The following WDR82 variants were observed in gnomAD, a reference collection of about 807,000 sequenced individuals.
WDR82 encodes WD repeat domain 82, also known as WD repeat-containing protein 82.
WDR82 carries 8 observed loss-of-function variants against 36.1 expected under a neutral mutation model. The observed-to-expected ratio is 0.22, with a 90% confidence interval of 0.13 to 0.40. The LOEUF (loss-of-function observed/expected upper bound fraction) is 0.40, where lower values mean the gene tolerates loss of function less well. Among genes scored for constraint, WDR82 ranks in the 10% least tolerant of loss-of-function variants. The pLI, the probability that WDR82 is intolerant of heterozygous loss-of-function variation, is 1.00. For missense variants in WDR82, 185 were observed against 400.5 expected (o/e 0.46, Z 4.59); for synonymous variants, 129 against 137.8 (o/e 0.94, Z 0.45).
chr3:52,258,290 T>C (rs73835767), intron 8 of WDR82, among the ~76,000 whole-genome samples: 2,294 of 152,310 alleles, frequency 0.015, 82 homozygotes, highest in African/African-American at 0.052. Flanking sequence ...AACTGGCCTA[T>C]GATCTCCTTG....
At chr3:52,264,982 T>C (rs927727149) in intron 3 of WDR82, among the ~76,000 whole-genome samples, 2 of 151,988 alleles carry the variant, frequency 1.3e-5, no homozygotes, top group African/African-American at 4.8e-5. Flanking sequence ...TAGCCTTGAT[T>C]TTCTCATAAA....
chr3:52,260,513 G>T lies in WDR82; in HGVS notation c.427-12C>A, dbSNP rs1379973118. 6.5e-7 allele frequency: 1 copy of T among 1,535,318 alleles called. No homozygotes were observed. The highest frequency in any genetic ancestry group is 8.7e-7 in the Non-Finnish European group (1 of 1,143,380). ...AGATGCATGAGGCCCTAAGAGAAAA[G>T]AAATAAGAAATACACTAAAACACAC... On this transcript the variant is annotated splice_polypyrimidine_tract_variant and intron_variant, in intron 4 of 8. Coordinates refer to ENST00000296490, the MANE Select transcript of WDR82 (RefSeq NM_025222.4).
intron 1 of WDR82, among the ~76,000 whole-genome samples, chr3:52,274,537 C>T (rs541348880): frequency 2.2e-4 from 34 of 152,194 alleles, no homozygotes; most frequent in African/African-American, 7.9e-4. Flanking sequence ...TGCACTCCAG[C>T]CTGAGCAACA....
At chr3:52,263,667 A>C (rs1319866219) in intron 3 of WDR82, among the ~76,000 whole-genome samples, 1 of 152,248 alleles carries the variant, frequency 6.6e-6, no homozygotes, top group African/African-American at 2.4e-5. Flanking sequence ...TAGTTTAACA[A>C]CTCACTGAAT....
chr3:52,278,087 G>A, intron 1 of WDR82, 114 bp downstream of exon 1: 2 of 1,172,860 alleles, frequency 1.7e-6, no homozygotes, highest in Non-Finnish European at 2.2e-6. Context: ...TGGCAGGAAC[G>A]CGTGCAAAAT....
At chr3:52,268,390 G>A (rs1372968604) in intron 2 of WDR82, 2 of 470,942 alleles carry the variant, frequency 4.2e-6, no homozygotes, top group African/African-American at 4.0e-5. Flanking sequence ...ACGGAGCGCT[G>A]GAGGAACTCT....
In WDR82 at chr3:52,258,634, T is replaced by A; in HGVS notation, c.814A>T (p.Ile272Leu). 6.2e-7 allele frequency: 1 copy of A among 1,614,250 alleles called. No individual in the cohort carries two copies. Among genetic ancestry groups the A allele is most frequent in the Non-Finnish European group, 8.5e-7 (1 of 1,180,044 alleles). Residue 272 changes from isoleucine to leucine, a missense_variant, in exon 8 of 9, where the codon ATA (isoleucine) becomes TTA (leucine). Physicochemically the swap from Ile to Leu is conservative, Grantham distance 5. Around this residue, in one of 3 missense-constraint regions of WDR82, gnomAD observed 110 missense variants for 212.6 expected, o/e 0.52. Transcript: ENST00000296490. Reference protein sequence around the residue: ...KIHVWNGESGIKVAVLDGKHT... With the variant: ...KIHVWNGESGLKVAVLDGKHT... Reference sequence around the variant, plus strand: ...TTACCATCCAACACAGCTACTTTTATACCGCTCTCTCCATTCCAGACATGG... The same window carrying A: ...TTACCATCCAACACAGCTACTTTTAAACCGCTCTCTCCATTCCAGACATGG...
Position 52,257,379 on chromosome 3 carries a change from G to A in WDR82, c.*111C>T. 1 of 1,452,542 alleles carries A rather than the reference G, an allele frequency of 6.9e-7. No individual in the cohort carries two copies. The allele number at this position is 1,452,542 out of a possible 1,614,324, so 90.0% of individuals were successfully genotyped here. On this transcript the variant is annotated 3_prime_UTR_variant, in exon 9 of 9. Coordinates refer to ENST00000296490, the MANE Select transcript of WDR82 (RefSeq NM_025222.4). The stretch of plus-strand genomic sequence containing the variant: ...CATCCATGGGAAGGCCATGTAAAAG[G>A]ATGTTCTCCAGCCCAGTCAAATGAT...
At position 52,262,879 on chromosome 3, in the gene WDR82, A is replaced by G. The variant is rs138898987; in HGVS notation, c.327-1400T>C. Among the ~76,000 whole-genome samples, 570 of 152,378 alleles carry G rather than the reference A, an allele frequency of 3.7e-3. 3 individuals carry two copies. The highest frequency in any genetic ancestry group is 9.3e-3 in the South Asian group (45 of 4,828). ...TGCGGTGGCTCATGCCTGTAATCCCAGCACTTTGGGAGGCCCAGGTGGGCG... is the reference window on the plus strand; with the variant it reads ...TGCGGTGGCTCATGCCTGTAATCCCGGCACTTTGGGAGGCCCAGGTGGGCG... On this transcript the variant is annotated intron_variant, in intron 3 of 8. Transcript: ENST00000296490.
chr3:52,265,355 T>C (rs1422599387), intron 3 of WDR82, among the ~76,000 whole-genome samples: 1 of 125,386 alleles, frequency 8.0e-6, no homozygotes. Context: ...GGTCAAGAGG[T>C]TGAATAATTG....
At chr3:52,270,971 G>A (rs913837432) in intron 1 of WDR82, among the ~76,000 whole-genome samples, 162 bp from the exon 2 acceptor site, 1 of 152,206 alleles carries the variant, frequency 6.6e-6, no homozygotes, top group South Asian at 2.1e-4. Context: ...AAAAAACAAC[G>A]CTCAAGCAAC....
chr3:52,269,257 T>C (rs1700132301), intron 2 of WDR82, among the ~76,000 whole-genome samples: 2 of 152,134 alleles, frequency 1.3e-5, no homozygotes, highest in African/African-American at 4.8e-5. Context: ...GGCAGATCAC[T>C]TGAGGTCAGG....
At chr3:52,275,319 T>A (rs1007751091) in intron 1 of WDR82, among the ~76,000 whole-genome samples, 2 of 150,754 alleles carry the variant, frequency 1.3e-5, no homozygotes, top group African/African-American at 4.8e-5. Flanking sequence ...GACAAAATTT[T>A]TCATCATATT....
chr3:52,268,825 A>G (rs1700128493), intron 2 of WDR82, among the ~76,000 whole-genome samples: 1 of 152,092 alleles, frequency 6.6e-6, no homozygotes. Flanking sequence ...TGACATTAGA[A>G]AAATCTTTTT....
In WDR82 at chr3:52,257,223, G is replaced by T. The variant is rs1700017211; in HGVS notation, c.*267C>A. 9.4e-6 allele frequency: 5 copies of T among 533,996 alleles called. No individual in the cohort carries two copies. In the South Asian group the frequency reaches 1.2e-4, roughly 13 times the overall value. The allele number at this position is 533,996 out of a possible 1,614,324, so 33.1% of individuals were successfully genotyped here. A position where few individuals can be genotyped will look rare whatever the true frequency, so the allele number is the denominator to read the frequency against. ...CCCCACTATACCAAATCGTGAGTCT[G>T]GTCACTCCTCCAGCAGAGCTTGGTG... is the stretch of plus-strand genomic sequence containing the variant. On this transcript the variant is annotated 3_prime_UTR_variant, in exon 9 of 9. Transcript: ENST00000296490.
chr3:52,270,898 T>A, intron 1 of WDR82, 89 bp from the exon 2 acceptor site: 1 of 963,618 alleles, frequency 1.0e-6, no homozygotes, highest in Non-Finnish European at 1.5e-6. Context: ...TTGAATGATG[T>A]GGCAAAGGTG....
In WDR82 at chr3:52,278,409, C is replaced by T. The variant is rs1277686770; in HGVS notation, c.-48G>A. ...GGCGGCGCAGGGCCGGGGCGGGGCC[C>T]GGCGGCGAGCGGGCGGGCTGCCGAG... On this transcript the variant is annotated 5_prime_UTR_variant, in exon 1 of 9. Transcript: ENST00000296490. The T allele has an allele frequency of 7.9e-7, 1 of 1,258,064 alleles. No homozygotes were observed. Among genetic ancestry groups the T allele is most frequent in the Admixed American group, 4.4e-5 (1 of 22,940 alleles). 77.9% of individuals were successfully genotyped at this position (1,258,064 alleles called of 1,614,324 possible).
chr3:52,273,056 GTA>G (rs1700168573), intron 1 of WDR82, among the ~76,000 whole-genome samples: 2 of 152,224 alleles, frequency 1.3e-5, no homozygotes, highest in Non-Finnish European at 2.9e-5. Flanking sequence ...GTGTGTGGCT[GTA>G]TACTTACTCT....
intron 1 of WDR82, among the ~76,000 whole-genome samples, 193 bp from the exon 2 acceptor site, chr3:52,271,002 C>T (rs552151453): frequency 6.6e-6 from 1 of 152,320 alleles, no homozygotes; most frequent in South Asian, 2.1e-4. Context: ...AGAAGCTTTC[C>T]ACCTTAGAAC....
Sources: allele counts gnomAD v4.1 joint callset (sites outside exome capture counted in the v4.1 genomes callset), GRCh38; gene constraint gnomAD v4.1.1; regional missense constraint gnomAD v4.1.1; transcripts MANE v1.5; gene names NCBI Gene and HGNC (gene_info 2026-07-23, HGNC 2026-07-21).